Variants in ENPEP observed in about 807,000 individuals in gnomAD.
The protein encoded by ENPEP is AP-A.
In ENPEP, 103 loss-of-function variants were observed where a neutral mutation model predicts 114.5. That is an observed-to-expected ratio of 0.90 (90% CI 0.77 to 1.06). The LOEUF (loss-of-function observed/expected upper bound fraction) is 1.06. ENPEP is among the 50% of genes least tolerant of loss of function. The pLI is 0.00. For missense variants in ENPEP, 1,196 were observed against 1,161.3 expected, an observed-to-expected ratio of 1.03 and a Z score of -0.43; for synonymous variants, 420 against 422.0, an observed-to-expected ratio of 1.00 and a Z score of 0.06.
intron 11 of ENPEP, among the ~76,000 whole-genome samples, chr4:110,537,251 G>A (rs994834395): frequency 1.3e-5 from 2 of 152,060 alleles, no homozygotes; most frequent in Non-Finnish European, 2.9e-5. Context: ...TGAAGCATGC[G>A]ATGCTGTTTA....
intron 3 of ENPEP, chr4:110,500,188 A>G (rs1725099562): frequency 6.6e-6 from 1 of 152,222 alleles, no homozygotes; most frequent in Non-Finnish European, 1.5e-5. Context: ...ATCGATTCTC[A>G]TGGACTTAAG....
At chr4:110,506,838 C>T (rs1725390777) in intron 4 of ENPEP, 81 bp downstream of exon 4, 3 of 1,182,332 alleles carry the variant, frequency 2.5e-6, no homozygotes, top group Non-Finnish European at 3.5e-6. Flanking sequence ...CTAATTATGT[C>T]ACCATCAGTT....
chr4:110,546,160 A>G (rs555409873), intron 13 of ENPEP, among the ~76,000 whole-genome samples: 7 of 151,898 alleles, frequency 4.6e-5, no homozygotes, highest in Non-Finnish European at 7.4e-5. Context: ...AACCTCTTTT[A>G]TAGGCTGGTG....
At position 110,564,819 on chromosome 4, in the gene ENPEP, C is replaced by T. The variant is rs1334865667; in HGVS notation, c.*3261C>T. The T allele has an allele frequency of 6.6e-6, 1 of 152,174 alleles. No individual in the cohort carries two copies. Among genetic ancestry groups the T allele is most frequent in the African/African-American group, 2.4e-5 (1 of 41,424 alleles). 9.4% of individuals were successfully genotyped at this position (152,174 alleles called of 1,614,324 possible). A position where few individuals can be genotyped will look rare whatever the true frequency, so the allele number is the denominator to read the frequency against. On this transcript the variant is annotated 3_prime_UTR_variant, in exon 20 of 20. Transcript: ENST00000265162. Reference sequence around the variant, plus strand: ...TAGGCAGAAACGTCCAGAGCCAGCACTTGGTTTGCCATGTTCTCCGTGTTT... The same window carrying T: ...TAGGCAGAAACGTCCAGAGCCAGCATTTGGTTTGCCATGTTCTCCGTGTTT...
At chr4:110,532,387 A>C (rs1726440039) in intron 11 of ENPEP, among the ~76,000 whole-genome samples, 1 of 152,202 alleles carries the variant, frequency 6.6e-6, no homozygotes, top group Non-Finnish European at 1.5e-5. Flanking sequence ...CTTTTCAATT[A>C]GCATAACGAT....
chr4:110,498,742 T>A (rs1560554674), intron 3 of ENPEP, among the ~76,000 whole-genome samples: 1 of 152,182 alleles, frequency 6.6e-6, no homozygotes, highest in Non-Finnish European at 1.5e-5. Context: ...TTTAAGCTGA[T>A]TCTTTTCTGT....
At chr4:110,558,461 CT>C (rs1316879065) in intron 18 of ENPEP, among the ~76,000 whole-genome samples, 10 of 151,702 alleles carry the variant, frequency 6.6e-5, no homozygotes, top group Admixed American at 6.6e-4. Context: ...TGCCCAGCTA[CT>C]TTTTGTATTT....
At chr4:110,481,857 A>C (rs889903744) in intron 1 of ENPEP, among the ~76,000 whole-genome samples, 3 of 152,180 alleles carry the variant, frequency 2.0e-5, no homozygotes, top group African/African-American at 7.2e-5. Context: ...TGTTCTTCGT[A>C]GCGCTAGTAG....
intron 11 of ENPEP, among the ~76,000 whole-genome samples, chr4:110,534,367 T>C (rs1215029558): frequency 6.6e-6 from 1 of 152,174 alleles, no homozygotes; most frequent in Non-Finnish European, 1.5e-5. Flanking sequence ...TAATCTCTCC[T>C]GTCATCATCT....
At chr4:110,490,982 A>G (rs1295252900) in intron 2 of ENPEP, 51 bp from the exon 3 acceptor site, 2 of 1,573,844 alleles carry the variant, frequency 1.3e-6, no homozygotes, top group African/African-American at 1.4e-5. Flanking sequence ...TGTCTTGCAT[A>G]TATATGATTG....
At chr4:110,479,817 A>G (rs867126812) in intron 1 of ENPEP, among the ~76,000 whole-genome samples, 3 of 152,162 alleles carry the variant, frequency 2.0e-5, no homozygotes, top group Admixed American at 6.5e-5. Context: ...ATCTGAATAA[A>G]ACCATCAAAA....
Position 110,476,223 on chromosome 4 carries a change from C to T in ENPEP, c.-192C>T. On this transcript the variant is annotated 5_prime_UTR_variant, in exon 1 of 20. Coordinates refer to ENST00000265162, the MANE Select transcript of ENPEP (RefSeq NM_001977.4). ...ATTCCACCCCCCTTGTTTCCGCATTCATCCTGAGTGGCTGGTGGGAACGTG... is the reference window on the plus strand; with the variant it reads ...ATTCCACCCCCCTTGTTTCCGCATTTATCCTGAGTGGCTGGTGGGAACGTG... 1 of 629,352 alleles carries T rather than the reference C, an allele frequency of 1.6e-6. No individual in the cohort carries two copies. Among genetic ancestry groups the T allele is most frequent in the Non-Finnish European group, 2.6e-6 (1 of 387,368 alleles). The allele number at this position is 629,352 out of a possible 1,614,324, so 39.0% of individuals were successfully genotyped here. A position where few individuals can be genotyped will look rare whatever the true frequency, so the allele number is the denominator to read the frequency against.
intron 1 of ENPEP, among the ~76,000 whole-genome samples, chr4:110,480,445 A>T (rs1724269317): frequency 6.6e-6 from 1 of 152,176 alleles, no homozygotes; most frequent in Admixed American, 6.5e-5. Flanking sequence ...TTCATACTAT[A>T]GAGTGAGCTT....
intron 13 of ENPEP, among the ~76,000 whole-genome samples, chr4:110,544,865 G>A (rs1414147477): frequency 6.6e-6 from 1 of 152,212 alleles, no homozygotes; most frequent in South Asian, 2.1e-4. Flanking sequence ...CTTGGCCACA[G>A]CCCCATAAAA....
chr4:110,492,955 T>G (rs562552279), intron 3 of ENPEP, among the ~76,000 whole-genome samples: 1 of 152,348 alleles, frequency 6.6e-6, no homozygotes, highest in African/African-American at 2.4e-5. Context: ...TTTTTCTATT[T>G]GAGGTAGAAA....
intron 10 of ENPEP, among the ~76,000 whole-genome samples, chr4:110,530,294 G>A (rs1296898345): frequency 6.6e-6 from 1 of 152,068 alleles, no homozygotes; most frequent in Non-Finnish European, 1.5e-5. Context: ...ACTTCTTTCA[G>A]GTATATAGCA....
intron 10 of ENPEP, among the ~76,000 whole-genome samples, chr4:110,526,272 T>A (rs529741576): frequency 1.0e-3 from 157 of 152,176 alleles, no homozygotes; most frequent in South Asian, 1.5e-3. Context: ...TGAGACTCTG[T>A]CTGAAAAAAA....
chr4:110,523,227 G>T (rs1726071231), intron 10 of ENPEP, among the ~76,000 whole-genome samples: 1 of 152,094 alleles, frequency 6.6e-6, no homozygotes, highest in Non-Finnish European at 1.5e-5. Flanking sequence ...TAAAAATTAT[G>T]ATCCAAAAAT....
At chr4:110,526,229 T>C (rs1726191191) in intron 10 of ENPEP, among the ~76,000 whole-genome samples, 1 of 152,034 alleles carries the variant, frequency 6.6e-6, no homozygotes, top group African/African-American at 2.4e-5. Flanking sequence ...TGAGCCAAGA[T>C]CATGCTACTG....
Sources: allele counts gnomAD v4.1 joint callset (sites outside exome capture counted in the v4.1 genomes callset), GRCh38; gene constraint gnomAD v4.1.1; transcripts MANE v1.5; gene names NCBI Gene and HGNC (gene_info 2026-07-23, HGNC 2026-07-21).